The following MACROD2 variants were observed in gnomAD, a reference collection of about 807,000 sequenced individuals.
MACROD2 encodes the protein mono-ADP ribosylhydrolase 2.
Under a neutral mutation model 70.4 loss-of-function variants are expected in MACROD2, and 36 were observed. The observed-to-expected ratio is 0.51, with a 90% CI of 0.39 to 0.68. MACROD2 has a LOEUF of 0.68. MACROD2 is among the 30% of genes least tolerant of loss of function. The pLI is 0.00. For missense variants in MACROD2, 496 were observed against 538.4 expected (o/e 0.92, Z 0.78); for synonymous variants, 172 against 178.8 (o/e 0.96, Z 0.30).
chr20:14,779,463 A>G (rs75409609), intron 5 of MACROD2, among the ~76,000 whole-genome samples: 5,152 of 152,204 alleles, frequency 0.034, 134 homozygotes, highest in Non-Finnish European at 0.049. Flanking sequence ...CATCATGTGT[A>G]GGTCCTCTTC....
chr20:15,223,070 C>T (rs372181145), intron 5 of MACROD2, among the ~76,000 whole-genome samples: 4 of 152,148 alleles, frequency 2.6e-5, no homozygotes, highest in African/African-American at 7.2e-5. Context: ...CAAAGTGGTG[C>T]GATAGTTATC....
In MACROD2 at chr20:14,420,101, A is replaced by C. The variant is rs115223710; in HGVS notation, c.272-73378A>C. On this transcript the variant is annotated intron_variant, in intron 3 of 17. Coordinates refer to ENST00000684519, the MANE Select transcript of MACROD2 (RefSeq NM_001351661.2). ...ATGTAATACCAAAAGGTCCTCTAGA[A>C]ATTTTTATTTCTTACCATAGGGCCC... Among the ~76,000 whole-genome samples the C allele has an allele frequency of 6.2e-3, 944 of 151,434 alleles. 17 individuals carry two copies. Among genetic ancestry groups the C allele is most frequent in the African/African-American group, 0.021 (888 of 41,420 alleles).
intron 8 of MACROD2, among the ~76,000 whole-genome samples, chr20:15,555,856 G>GAAAAAAAAAAAAAAAAAAAA (rs2048163082): frequency 1.2e-5 from 1 of 80,756 alleles, no homozygotes; most frequent in African/African-American, 7.8e-5. Context: ...AAAAAAAAAG[G>GAAAAAAAAAAAAAAAAAAAA]AAAAGAAAAG....
At chr20:15,316,052 C>A (rs1399875002) in intron 6 of MACROD2, among the ~76,000 whole-genome samples, 1 of 148,404 alleles carries the variant, frequency 6.7e-6, no homozygotes, top group Admixed American at 6.7e-5. Context: ...GAGAAAATAT[C>A]TTTAAAAAAC....
intron 6 of MACROD2, among the ~76,000 whole-genome samples, chr20:15,370,992 A>G (rs1005302184): frequency 1.3e-5 from 2 of 152,164 alleles, no homozygotes; most frequent in Non-Finnish European, 2.9e-5. Flanking sequence ...TGTTAGACTT[A>G]ATAGTGTGCA....
At chr20:15,026,176 A>T (rs2075230086) in intron 5 of MACROD2, among the ~76,000 whole-genome samples, 1 of 152,206 alleles carries the variant, frequency 6.6e-6, no homozygotes, top group Non-Finnish European at 1.5e-5. Flanking sequence ...CTCTGAATGT[A>T]CACGAACATA....
chr20:14,246,166 C>A (rs2081966823), intron 3 of MACROD2, among the ~76,000 whole-genome samples: 1 of 152,164 alleles, frequency 6.6e-6, no homozygotes, highest in South Asian at 2.1e-4. Context: ...AGGAGTACAT[C>A]TTTATCTGTT....
At chr20:15,838,221 A>G (rs912398949) in intron 8 of MACROD2, among the ~76,000 whole-genome samples, 1 of 152,010 alleles carries the variant, frequency 6.6e-6, no homozygotes, top group Non-Finnish European at 1.5e-5. Context: ...TTTCCTCTCT[A>G]ATAAGGAACA....
At chr20:15,052,947 T>C (rs998197449) in intron 5 of MACROD2, among the ~76,000 whole-genome samples, 1 of 152,146 alleles carries the variant, frequency 6.6e-6, no homozygotes, top group Non-Finnish European at 1.5e-5. Context: ...ATGGGAGATA[T>C]GGAGAAAGTT....
intron 8 of MACROD2, among the ~76,000 whole-genome samples, chr20:15,678,194 G>A (rs2146851330): frequency 6.6e-6 from 1 of 152,288 alleles, no homozygotes; most frequent in South Asian, 2.1e-4. Context: ...AATTGAATTA[G>A]TGTGTAAACC....
chr20:14,307,035 A>ACG (rs2082526968), intron 3 of MACROD2, among the ~76,000 whole-genome samples: 1 of 151,970 alleles, frequency 6.6e-6, no homozygotes, highest in South Asian at 2.1e-4. Context: ...ACACACACAC[A>ACG]CACACACACA....
intron 4 of MACROD2, among the ~76,000 whole-genome samples, chr20:14,676,631 A>T (rs1439319000): frequency 6.6e-6 from 1 of 152,198 alleles, no homozygotes; most frequent in Non-Finnish European, 1.5e-5. Flanking sequence ...TCTAAAATCG[A>T]CACCCTAACA....
intron 5 of MACROD2, among the ~76,000 whole-genome samples, chr20:15,150,415 G>A (rs1028933653): frequency 3.9e-5 from 6 of 152,082 alleles, no homozygotes; most frequent in Admixed American, 6.5e-5. Flanking sequence ...TGGTTGATAA[G>A]GCACAGATCC....
chr20:14,873,779 A>G (rs925220131), intron 5 of MACROD2, among the ~76,000 whole-genome samples: 1 of 152,102 alleles, frequency 6.6e-6, no homozygotes, highest in African/African-American at 2.4e-5. Flanking sequence ...GAATCGCTTG[A>G]ACCCAGGAGG....
At chr20:14,464,944 T>A (rs2084423150) in intron 3 of MACROD2, among the ~76,000 whole-genome samples, 1 of 152,138 alleles carries the variant, frequency 6.6e-6, no homozygotes, top group Non-Finnish European at 1.5e-5. Flanking sequence ...TGAGGAGAGC[T>A]TTACTTCCAA....
At chr20:14,787,216 GCTT>G (rs1472403258) in intron 5 of MACROD2, among the ~76,000 whole-genome samples, 3 of 152,098 alleles carry the variant, frequency 2.0e-5, no homozygotes, top group South Asian at 2.1e-4. Context: ...CTAATTTGAA[GCTT>G]CTTCATCAAT....
At chr20:14,486,052 C>T (rs528243276) in intron 3 of MACROD2, among the ~76,000 whole-genome samples, 11 of 152,104 alleles carry the variant, frequency 7.2e-5, no homozygotes, top group African/African-American at 2.2e-4. Flanking sequence ...CAGGTCCCAG[C>T]GGGAAACAGA....
At chr20:14,764,477 T>C (rs994807536) in intron 5 of MACROD2, among the ~76,000 whole-genome samples, 1 of 152,088 alleles carries the variant, frequency 6.6e-6, no homozygotes, top group Non-Finnish European at 1.5e-5. Context: ...TTTTTGGTGC[T>C]CTAGTATACA....
chr20:15,146,641 T>A (rs1222393088), intron 5 of MACROD2, among the ~76,000 whole-genome samples: 4 of 152,152 alleles, frequency 2.6e-5, no homozygotes, highest in Non-Finnish European at 5.9e-5. Context: ...AGTCTTTTTG[T>A]TTTTTACATT....
Sources: allele counts gnomAD v4.1 joint callset (sites outside exome capture counted in the v4.1 genomes callset), GRCh38; gene constraint gnomAD v4.1.1; transcripts MANE v1.5; gene names NCBI Gene and HGNC (gene_info 2026-07-23, HGNC 2026-07-21).